The following CACNB4 variants were observed in gnomAD, a reference collection of about 807,000 sequenced individuals.
CACNB4 encodes the protein voltage-dependent L-type calcium channel subunit beta-4.
A neutral mutation model predicts 71.2 loss-of-function variants in CACNB4; 32 were observed. The observed-to-expected ratio is 0.45, with a 90% CI of 0.34 to 0.60. The LOEUF is 0.60. Ranked by LOEUF, CACNB4 falls within the 20% of genes least tolerant of loss-of-function variation. The pLI, the probability that CACNB4 is intolerant of heterozygous loss-of-function variation, is 0.01. For synonymous variants in CACNB4, 231 were observed against 236.9 expected, an observed-to-expected ratio of 0.97 and a Z score of 0.23; for missense variants, 464 against 647.9, an observed-to-expected ratio of 0.72 and a Z score of 3.08.
chr2:151,987,983 C>T (rs531618292), intron 2 of CACNB4, among the ~76,000 whole-genome samples: 1 of 152,242 alleles, frequency 6.6e-6, no homozygotes, highest in Admixed American at 6.5e-5. Flanking sequence ...GAAAATGATT[C>T]CATTAAATAA....
chr2:151,944,003 C>T lies in CACNB4; in HGVS notation c.148-60633G>A, dbSNP rs1010346228. On this transcript the variant is annotated intron_variant, in intron 2 of 13. Coordinates refer to ENST00000539935, the MANE Select transcript of CACNB4 (RefSeq NM_000726.5). ...ATGGTTTGTGTGGAACACTGATTAT[C>T]GGATACAGGATTATACTTTCTTTCT... Among the ~76,000 whole-genome samples the T allele has an allele frequency of 7.3e-5, 11 of 149,688 alleles. No individual in the cohort carries two copies. The South Asian group carries it at 8.5e-4, about 12-fold the overall frequency.
chr2:151,900,495 T>A (rs1157048062), intron 2 of CACNB4, among the ~76,000 whole-genome samples: 1 of 152,180 alleles, frequency 6.6e-6, no homozygotes, highest in African/African-American at 2.4e-5. Flanking sequence ...AAGTGGTGCC[T>A]TGCCTTATGA....
chr2:152,033,606 T>C (rs1293499538), intron 2 of CACNB4, among the ~76,000 whole-genome samples: 3 of 152,206 alleles, frequency 2.0e-5, no homozygotes, highest in African/African-American at 7.2e-5. Context: ...ACCTCCCATC[T>C]TTTTATAAAT....
intron 2 of CACNB4, among the ~76,000 whole-genome samples, chr2:152,055,100 C>T (rs1374614818): frequency 1.3e-5 from 2 of 152,220 alleles, no homozygotes; most frequent in African/African-American, 4.8e-5. Context: ...TAACCGCTGC[C>T]TCCCAGGTTC....
chr2:152,014,090 C>G (rs188913651), intron 2 of CACNB4, among the ~76,000 whole-genome samples: 8 of 152,324 alleles, frequency 5.3e-5, no homozygotes, highest in Admixed American at 3.9e-4. Context: ...TGCCTGCAAT[C>G]CCAGCACTTT....
intron 2 of CACNB4, among the ~76,000 whole-genome samples, chr2:151,918,323 T>G (rs1377217785): frequency 6.6e-6 from 1 of 152,238 alleles, no homozygotes; most frequent in Non-Finnish European, 1.5e-5. Flanking sequence ...TGCAAAGATC[T>G]ATACAATTTT....
chr2:152,051,020 C>G (rs1445396761), intron 2 of CACNB4, among the ~76,000 whole-genome samples: 1 of 152,028 alleles, frequency 6.6e-6, no homozygotes, highest in Admixed American at 6.6e-5. Context: ...CTGCGCACCT[C>G]GGCCTCCCAA....
intron 2 of CACNB4, among the ~76,000 whole-genome samples, chr2:152,015,506 A>G (rs1047364453): frequency 2.0e-5 from 3 of 152,214 alleles, no homozygotes; most frequent in Non-Finnish European, 2.9e-5. Flanking sequence ...TCTTAGCACA[A>G]CTGGGGACAC....
At chr2:151,915,923 C>T (rs942963524) in intron 2 of CACNB4, among the ~76,000 whole-genome samples, 5 of 151,270 alleles carry the variant, frequency 3.3e-5, no homozygotes, top group Admixed American at 6.6e-5. Context: ...GGCTTGGGTT[C>T]GTGAGTGGAA....
chr2:151,896,667 G>A (rs958033607), intron 2 of CACNB4, among the ~76,000 whole-genome samples: 3 of 152,190 alleles, frequency 2.0e-5, no homozygotes, highest in Non-Finnish European at 4.4e-5. Context: ...GGCAGGAGAT[G>A]ACAGCAAGGC....
chr2:151,983,675 TCACA>T (rs1553803380), intron 2 of CACNB4, among the ~76,000 whole-genome samples: 16,549 of 141,314 alleles, frequency 0.12, 1,145 homozygotes, highest in East Asian at 0.28. Flanking sequence ...TAAACTTTGG[TCACA>T]CACACACACA....
rs573885680 is a variant in CACNB4, at chr2:151,963,904, A to G, written c.148-80534T>C. Among the ~76,000 whole-genome samples, 6 of 152,118 alleles carry G rather than the reference A, an allele frequency of 3.9e-5. No individual in the cohort carries two copies. The East Asian group carries it at 1.2e-3, about 29-fold the overall frequency. On this transcript the variant is annotated intron_variant, in intron 2 of 13. Transcript: ENST00000539935. Reference sequence around the variant, plus strand: ...CCAACATGGTGAAACTCCCGTCTCTACTAAAAATACAAAAATTAGCTGGGC... The same window carrying G: ...CCAACATGGTGAAACTCCCGTCTCTGCTAAAAATACAAAAATTAGCTGGGC...
chr2:151,970,475 C>G (rs1306465757), intron 2 of CACNB4: 1 of 152,060 alleles, frequency 6.6e-6, no homozygotes, highest in Non-Finnish European at 1.5e-5. Context: ...CCACAAACAT[C>G]AAAATACACA....
chr2:151,989,571 C>T (rs970028578), intron 2 of CACNB4, among the ~76,000 whole-genome samples: 14 of 152,180 alleles, frequency 9.2e-5, no homozygotes, highest in African/African-American at 2.9e-4. Context: ...TGATTTCCTT[C>T]ATGGGTTCTT....
At chr2:152,077,519 C>T (rs1217639060) in intron 2 of CACNB4, among the ~76,000 whole-genome samples, 2 of 152,204 alleles carry the variant, frequency 1.3e-5, no homozygotes, top group African/African-American at 4.8e-5. Flanking sequence ...CGCCACTGCA[C>T]TCCAGCCTGG....
intron 2 of CACNB4, among the ~76,000 whole-genome samples, chr2:152,032,546 C>T (rs1334587193): frequency 4.6e-5 from 7 of 151,880 alleles, no homozygotes; most frequent in Non-Finnish European, 8.8e-5. Flanking sequence ...CATATATTAC[C>T]GAGACATTTT....
At chr2:152,029,840 C>T (rs1345581786) in intron 2 of CACNB4, among the ~76,000 whole-genome samples, 1 of 152,204 alleles carries the variant, frequency 6.6e-6, no homozygotes, top group Non-Finnish European at 1.5e-5. Flanking sequence ...TGAACCAGAA[C>T]GTTGGCCTTT....
chr2:151,898,070 T>C (rs1024466592), intron 2 of CACNB4, among the ~76,000 whole-genome samples: 1 of 152,186 alleles, frequency 6.6e-6, no homozygotes, highest in Non-Finnish European at 1.5e-5. Context: ...TGAAATGAAA[T>C]ATAGGAATCA....
chr2:152,069,837 C>CTTTTTTT (rs70974819), intron 2 of CACNB4, among the ~76,000 whole-genome samples: 3 of 98,704 alleles, frequency 3.0e-5, no homozygotes, highest in Admixed American at 2.4e-4. Context: ...CTTCATCAAT[C>CTTTTTTT]TTTTTTTTTT....
Sources: allele counts gnomAD v4.1 joint callset (sites outside exome capture counted in the v4.1 genomes callset), GRCh38; gene constraint gnomAD v4.1.1; transcripts MANE v1.5; gene names NCBI Gene and HGNC (gene_info 2026-07-23, HGNC 2026-07-21).